The following CASP10 variants were observed in gnomAD, a reference collection of about 807,000 sequenced individuals.
CASP10 encodes the protein caspase-10.
In CASP10, 41 loss-of-function variants were observed where a neutral mutation model predicts 48.5. The ratio of observed to expected loss-of-function variants is 0.85; its 90% confidence interval spans 0.66 to 1.10. The LOEUF is 1.10. Among genes scored for constraint, CASP10 ranks in the 50% least tolerant of loss-of-function variants. The pLI, the probability that CASP10 is intolerant of heterozygous loss-of-function variation, is 0.00. For synonymous variants in CASP10, 232 were observed against 238.4 expected (o/e 0.97, Z 0.25); for missense variants, 614 against 614.5 (o/e 1.00, Z 0.01).
chr2:201,195,853 G>C lies in CASP10; in HGVS notation c.589G>C (p.Val197Leu). The change falls in exon 5 of 10, where the codon GTG (valine) becomes CTG (leucine). Residue 197 changes from valine (V) to leucine (L), a missense_variant. Physicochemically the swap from Val to Leu is conservative, Grantham distance 32. Coordinates refer to ENST00000286186, the MANE Select transcript of CASP10 (RefSeq NM_032977.4). ...KYKREKAIQI[V>L]TPPVDKEAES... is the part of the protein sequence containing the mutation. The stretch of plus-strand genomic sequence containing the variant: ...GATTTTATTTTCAGCTATCCAGATA[G>C]TGACACCTCCTGTAGACAAGGAAGC... 6.2e-7 allele frequency: 1 copy of C among 1,612,078 alleles called. No individual in the cohort carries two copies. The highest frequency in any genetic ancestry group is 2.2e-5 in the East Asian group (1 of 44,870).
At chr2:201,223,783 A>C (rs1945753815), downstream of CASP10, among the ~76,000 whole-genome samples, 1 of 152,106 alleles carries the variant, frequency 6.6e-6, no homozygotes, top group African/African-American at 2.4e-5. Context: ...ATAGGAACCA[A>C]ATTTTTAAAT....
Position 201,215,767 on chromosome 2 carries a change from G to GT in CASP10, c.1416-1814dup, listed in dbSNP as rs1399694318. Among the ~76,000 whole-genome samples, 14 of 151,930 alleles carry GT rather than the reference G, an allele frequency of 9.2e-5. No individual in the cohort carries two copies. In the East Asian group the frequency reaches 1.5e-3, roughly 17 times the overall value. ...TTTGTGGTTCCATATACATTTTAGG[G>GT]TTTTTTTCCCTATTTATGTGAAGAA... is the stretch of plus-strand genomic sequence containing the variant. On this transcript the variant is annotated intron_variant, in intron 9 of 9. Coordinates refer to ENST00000286186, the MANE Select transcript of CASP10 (RefSeq NM_032977.4).
Position 201,217,979 on chromosome 2 carries a change from T to A in CASP10, c.*238T>A. 7 of 1,125,748 alleles carry A rather than the reference T, an allele frequency of 6.2e-6. No individual in the cohort carries two copies. Among genetic ancestry groups the A allele is most frequent in the Non-Finnish European group, 8.2e-6 (7 of 858,626 alleles). The allele number at this position is 1,125,748 out of a possible 1,614,324, so 69.7% of individuals were successfully genotyped here. ...CCCAGACTGGAGTGCAGGGGGGCAA[T>A]CACGGCTCACTGTAGTCTCGACCTC... On this transcript the variant is annotated 3_prime_UTR_variant, in exon 10 of 10. Transcript: ENST00000286186.
chr2:201,214,388 C>T (rs1945501757), intron 9 of CASP10: 1 of 151,828 alleles, frequency 6.6e-6, no homozygotes, highest in South Asian at 2.1e-4. Flanking sequence ...AGGGTTTTTT[C>T]CATAGGGGTG....
chr2:201,224,913 C>G (rs149707387), downstream of CASP10, among the ~76,000 whole-genome samples: 2 of 152,088 alleles, frequency 1.3e-5, no homozygotes, highest in African/African-American at 4.8e-5. Flanking sequence ...TTCTATTTTG[C>G]TATGTATTTT....
chr2:201,208,466 A>T, intron 8 of CASP10: 1 of 604,248 alleles, frequency 1.7e-6, no homozygotes, highest in South Asian at 7.4e-5. Flanking sequence ...ACCACTAACT[A>T]GGTGTGTGAT....
chr2:201,218,868 C>A lies in CASP10; in HGVS notation c.*1127C>A. ...TTCCTGCTTTTGTGTAAGGAAGGTG[C>A]TCACATAGGAAGTTTTTATTTGGTT... On this transcript the variant is annotated 3_prime_UTR_variant, in exon 10 of 10. Transcript: ENST00000286186. 1 of 985,426 alleles carries A rather than the reference C, an allele frequency of 1.0e-6. No homozygotes were observed. Among genetic ancestry groups the A allele is most frequent in the Non-Finnish European group, 1.2e-6 (1 of 829,942 alleles). 61.0% of individuals were successfully genotyped at this position (985,426 alleles called of 1,614,324 possible). A position where few individuals can be genotyped will look rare whatever the true frequency, so the allele number is the denominator to read the frequency against.
chr2:201,222,399 T>C (rs1945737240), downstream of CASP10, among the ~76,000 whole-genome samples: 1 of 152,046 alleles, frequency 6.6e-6, no homozygotes, highest in Non-Finnish European at 1.5e-5. Flanking sequence ...ATATTTCTAG[T>C]AGAAACAGGG....
chr2:201,222,618 T>C (rs1945739713), downstream of CASP10, among the ~76,000 whole-genome samples: 1 of 152,222 alleles, frequency 6.6e-6, no homozygotes, highest in Non-Finnish European at 1.5e-5. Context: ...TGGTGTTTAT[T>C]TTTATTAGAG....
In CASP10 at chr2:201,195,841, G is replaced by T. The variant is rs753282118; in HGVS notation, c.578-1G>T. ...TTTTCTGTCTGTGATTTTATTTTCAGCTATCCAGATAGTGACACCTCCTGT... is the reference window on the plus strand; with the variant it reads ...TTTTCTGTCTGTGATTTTATTTTCATCTATCCAGATAGTGACACCTCCTGT... On this transcript the variant is annotated splice_acceptor_variant, in intron 4 of 9. Transcript: ENST00000286186. LOFTEE classifies it high-confidence loss of function. 3.1e-6 allele frequency: 5 copies of T among 1,605,446 alleles called. No homozygotes were observed. Among genetic ancestry groups the T allele is most frequent in the Admixed American group, 1.7e-5 (1 of 59,982 alleles).
Position 201,183,151 on chromosome 2 carries a change from TAAAC to T in CASP10, c.-162_-159del, listed in dbSNP as rs1320812076. 6.6e-6 allele frequency: 1 copy of T among 152,238 alleles called. No homozygotes were observed. Among genetic ancestry groups the T allele is most frequent in the Non-Finnish European group, 1.5e-5 (1 of 68,056 alleles). The allele number at this position is 152,238 out of a possible 1,614,324, so 9.4% of individuals were successfully genotyped here. A position where few individuals can be genotyped will look rare whatever the true frequency, so the allele number is the denominator to read the frequency against. ...CAGTCCTGAAGATTCAGTTTTCACT[TAAAC>T]AACCAGCAAGTCTTGAAGTCTCTTC... On this transcript the variant is annotated 5_prime_UTR_variant, in exon 1 of 10. Coordinates refer to ENST00000286186, the MANE Select transcript of CASP10 (RefSeq NM_032977.4).
exon 10 of CASP10, chr2:201,229,300 C>T (rs962186009): frequency 6.8e-6 from 4 of 591,396 alleles, no homozygotes; most frequent in African/African-American, 5.6e-5. Flanking sequence ...TTCTAAAATT[C>T]CCATTTTCTT....
rs1945624365 is a variant in CASP10 at position 201,217,884 on chromosome 2, T to C, written c.*143T>C. 6.4e-7 allele frequency: 1 copy of C among 1,563,804 alleles called. No individual in the cohort carries two copies. Among genetic ancestry groups the C allele is most frequent in the Non-Finnish European group, 8.6e-7 (1 of 1,159,216 alleles). Reference sequence around the variant, plus strand: ...TGTTTTCTGACACAGTCAATTCTGATTTTCTTTTTCTTTTGCAAGTCTAAA... The same window carrying C: ...TGTTTTCTGACACAGTCAATTCTGACTTTCTTTTTCTTTTGCAAGTCTAAA... On this transcript the variant is annotated 3_prime_UTR_variant, in exon 10 of 10. Transcript: ENST00000286186.
At chr2:201,202,815 G>C (rs1945066659) in intron 5 of CASP10, among the ~76,000 whole-genome samples, 1 of 152,084 alleles carries the variant, frequency 6.6e-6, no homozygotes, top group African/African-American at 2.4e-5. Flanking sequence ...TGGTGAATGG[G>C]GAGGAGGGTA....
rs531057395 is a variant in CASP10, at chr2:201,191,091, A to G, written c.442-1893A>G. ...TGGCCAGGCTGGTCTTGAACTCCTG[A>G]CCTCAGGTGATCCACCTGCCTCAGC... is the stretch of plus-strand genomic sequence containing the variant. On this transcript the variant is annotated intron_variant, in intron 3 of 9. Coordinates refer to ENST00000286186, the MANE Select transcript of CASP10 (RefSeq NM_032977.4). Among the ~76,000 whole-genome samples the G allele has an allele frequency of 3.9e-5, 6 of 152,002 alleles. No individual in the cohort carries two copies. The South Asian group carries it at 1.2e-3, about 32-fold the overall frequency.
intron 5 of CASP10, among the ~76,000 whole-genome samples, chr2:201,202,783 A>G (rs1945065074): frequency 6.6e-6 from 1 of 152,094 alleles, no homozygotes; most frequent in Non-Finnish European, 1.5e-5. Context: ...GACGGCTGAG[A>G]GTCATAGGGG....
chr2:201,186,073 A>G lies in CASP10; in HGVS notation c.296A>G (p.Lys99Arg), dbSNP rs925956116. The G allele has an allele frequency of 6.8e-6, 11 of 1,612,474 alleles. No individual in the cohort carries two copies. The highest frequency in any genetic ancestry group is 1.1e-5 in the South Asian group (1 of 91,008). The change falls in exon 2 of 10, where the codon AAA becomes AGA. Residue 99 changes from lysine (K) to arginine (R), a missense_variant. By Grantham distance (26) the Lys-to-Arg change is conservative (BLOSUM62 2). Coordinates refer to ENST00000286186, the MANE Select transcript of CASP10 (RefSeq NM_032977.4). ...CTGCTGCAGCACCTCAACTGTACCA[A>G]AGAGGAAGTGGAGCGACTGCTGCCC... ...KKLLQHLNCT[K>R]EEVERLLPTR...
intron 5 of CASP10, among the ~76,000 whole-genome samples, chr2:201,202,581 C>CTT (rs1945057167): frequency 6.6e-6 from 1 of 152,210 alleles, no homozygotes; most frequent in South Asian, 2.1e-4. Flanking sequence ...GCAGTCTGGC[C>CTT]AGGCCCTTGT....
intron 5 of CASP10, among the ~76,000 whole-genome samples, chr2:201,198,097 A>G (rs1944868376): frequency 1.3e-5 from 2 of 152,238 alleles, no homozygotes; most frequent in South Asian, 4.1e-4. Context: ...GCTTTCCTTA[A>G]TGACTAGGGC....
Sources: gnomAD v4.1 joint callset for allele counts (sites outside exome capture counted in the v4.1 genomes callset) on GRCh38, gnomAD v4.1.1 for gene constraint, MANE v1.5 for transcripts, NCBI Gene and HGNC (gene_info 2026-07-23, HGNC 2026-07-21) for gene names.